The following ADORA2B variants were observed in gnomAD, a reference collection of about 807,000 sequenced individuals.
The protein encoded by ADORA2B is adenosine A2b receptor.
Under a neutral mutation model 20.8 loss-of-function variants are expected in ADORA2B, and 18 were observed. The observed-to-expected ratio is 0.87, with a 90% CI of 0.60 to 1.29. ADORA2B has a LOEUF of 1.29. Among genes scored for constraint, ADORA2B ranks in the 50% most tolerant of loss-of-function variants. ADORA2B has a pLI of 0.00. For synonymous variants in ADORA2B, 179 were observed against 178.3 expected (o/e 1.00, Z -0.03); for missense variants, 441 against 422.7 (o/e 1.04, Z -0.38).
At chr17:15,932,639 A>T in the ADORA2B span, among the ~76,000 whole-genome samples, 1 of 152,128 alleles carries the variant, frequency 6.6e-6, no homozygotes, top group Non-Finnish European at 1.5e-5. Context: ...TTGAGGTAGT[A>T]GTTCAACTTA....
At chr17:15,917,507 G>A in the ADORA2B span, among the ~76,000 whole-genome samples, 2 of 152,216 alleles carry the variant, frequency 1.3e-5, no homozygotes, top group Non-Finnish European at 2.9e-5. Context: ...GGACGGTGCA[G>A]GCTGGGCTGG....
At chr17:15,910,824 C>T in the ADORA2B span, among the ~76,000 whole-genome samples, 1 of 152,180 alleles carries the variant, frequency 6.6e-6, no homozygotes, top group East Asian at 1.9e-4. Context: ...GCAGAGGTGG[C>T]ATCTGGGCTC....
chr17:15,915,919 C>G, the ADORA2B span, among the ~76,000 whole-genome samples: 1 of 152,212 alleles, frequency 6.6e-6, no homozygotes, highest in African/African-American at 2.4e-5. Context: ...GTGGACATCC[C>G]TTGGCCCAGT....
At chr17:15,950,087 C>A (rs1969877408) in intron 1 of ADORA2B, among the ~76,000 whole-genome samples, 1 of 152,200 alleles carries the variant, frequency 6.6e-6, no homozygotes, top group Non-Finnish European at 1.5e-5. Flanking sequence ...CAAAAAACAA[C>A]CAACCAAAAC....
chr17:15,930,604 C>T, the ADORA2B span, among the ~76,000 whole-genome samples: 2 of 152,182 alleles, frequency 1.3e-5, no homozygotes, highest in Admixed American at 6.5e-5. Flanking sequence ...CCAGGAAGAA[C>T]GTTCACTGAC....
chr17:15,861,559 C>T, the ADORA2B span, among the ~76,000 whole-genome samples: 2 of 152,120 alleles, frequency 1.3e-5, no homozygotes, highest in Admixed American at 1.3e-4. Context: ...AGATTGGACC[C>T]ATATTTTAAG....
At chr17:15,974,167 C>T (rs1457662502) in intron 1 of ADORA2B, 2 of 153,484 alleles carry the variant, frequency 1.3e-5, no homozygotes, top group Non-Finnish European at 2.9e-5. Flanking sequence ...CAGTTGGCCA[C>T]ATTTGATTGG....
At chr17:15,857,746 A>G in the ADORA2B span, among the ~76,000 whole-genome samples, 2 of 151,776 alleles carry the variant, frequency 1.3e-5, no homozygotes, top group African/African-American at 4.8e-5. Context: ...GCATTTATTC[A>G]ATGCCTGTAC....
At chr17:15,915,854 A>T in the ADORA2B span, among the ~76,000 whole-genome samples, 1 of 152,182 alleles carries the variant, frequency 6.6e-6, no homozygotes, top group Non-Finnish European at 1.5e-5. Context: ...CCAAATACTA[A>T]TCTCTTCCAG....
the ADORA2B span, among the ~76,000 whole-genome samples, chr17:15,910,793 C>T: frequency 7.2e-5 from 11 of 152,150 alleles, no homozygotes; most frequent in Admixed American, 7.2e-4. Context: ...AGCTCGGTCC[C>T]CTCCTCCAAG....
At chr17:15,938,188 A>AGAAG in the ADORA2B span, among the ~76,000 whole-genome samples, 1 of 152,108 alleles carries the variant, frequency 6.6e-6, no homozygotes, top group East Asian at 1.9e-4. Context: ...GAGAAAAAAA[A>AGAAG]GAAGGAAGGA....
chr17:15,967,204 C>T (rs994005528), intron 1 of ADORA2B, among the ~76,000 whole-genome samples: 4 of 150,832 alleles, frequency 2.7e-5, no homozygotes, highest in African/African-American at 9.7e-5. Context: ...TTCCAGTGTC[C>T]TGCCCAGTGC....
chr17:15,886,250 G>A, the ADORA2B span, among the ~76,000 whole-genome samples: 1 of 69,828 alleles, frequency 1.4e-5, no homozygotes, highest in Admixed American at 1.3e-4. Flanking sequence ...GTAGTGGCTC[G>A]CCCTTTCCTG....
At position 15,975,266 on chromosome 17, in the gene ADORA2B, A is replaced by G. The variant is rs141912284; in HGVS notation, c.923A>G (p.Tyr308Cys). 7 of 1,613,538 alleles carry G rather than the reference A, an allele frequency of 4.3e-6. No individual in the cohort carries two copies. In the African/African-American group the frequency reaches 9.4e-5, roughly 22 times the overall value. The change falls in exon 2 of 2, where the codon TAT becomes TGT. Residue 308 changes from tyrosine to cysteine, a missense_variant. Tyr to Cys is a radical substitution (Grantham distance 194). Transcript: ENST00000304222. ...ACTTTTCACAAAATTATCTCCAGGT[A>G]TCTTCTCTGCCAAGCAGATGTCAAG... ...RYTFHKIISRYLLCQADVKSG... is the reference protein window; with the variant it reads ...RYTFHKIISRCLLCQADVKSG...
the ADORA2B span, among the ~76,000 whole-genome samples, chr17:15,915,952 C>A: frequency 6.6e-6 from 1 of 152,296 alleles, no homozygotes; most frequent in South Asian, 2.1e-4. Flanking sequence ...TAAAGTTAAC[C>A]GTCACACAAG....
chr17:15,878,914 A>G, the ADORA2B span, among the ~76,000 whole-genome samples: 1 of 152,140 alleles, frequency 6.6e-6, no homozygotes, highest in South Asian at 2.1e-4. Context: ...AAATTCTTAC[A>G]TATCTGGGGG....
chr17:15,946,290 T>C (rs1315605816), intron 1 of ADORA2B, among the ~76,000 whole-genome samples: 2 of 152,248 alleles, frequency 1.3e-5, no homozygotes, highest in Admixed American at 1.3e-4. Flanking sequence ...TGTAACTATT[T>C]ATCTCCTGCT....
At chr17:15,871,247 A>T in the ADORA2B span, among the ~76,000 whole-genome samples, 1 of 152,186 alleles carries the variant, frequency 6.6e-6, no homozygotes, top group Admixed American at 6.5e-5. Flanking sequence ...CGCACAGCAG[A>T]TGGGGAGGGA....
chr17:15,941,742 A>AAAAAGACT (rs1969747569), upstream of ADORA2B, among the ~76,000 whole-genome samples: 1 of 151,614 alleles, frequency 6.6e-6, no homozygotes, highest in South Asian at 2.1e-4. Context: ...AAAAAAAAAA[A>AAAAAGACT]AAAAGACTAA....
Sources: gnomAD v4.1 joint callset for allele counts (sites outside exome capture counted in the v4.1 genomes callset) on GRCh38, gnomAD v4.1.1 for gene constraint, MANE v1.5 for transcripts, NCBI Gene and HGNC (gene_info 2026-07-23, HGNC 2026-07-21) for gene names.